The following CYP2A13 variants were observed in gnomAD, a reference collection of about 807,000 sequenced individuals.
CYP2A13 encodes the protein cytochrome P450 family 2 subfamily A member 13, also known as cytochrome P450 2A13.
CYP2A13 carries 30 observed loss-of-function variants against 39.4 expected under a neutral mutation model. The observed-to-expected ratio is 0.76, with a 90% CI of 0.57 to 1.03. The LOEUF is 1.03. Ranked by LOEUF, CYP2A13 falls within the 50% of genes least tolerant of loss-of-function variation. The probability of loss-of-function intolerance (pLI) is 0.00; values close to 1 mark genes in which losing one functional copy is unlikely to be tolerated. For synonymous variants in CYP2A13, 269 were observed against 254.7 expected, an observed-to-expected ratio of 1.06 and a Z score of -0.54; for missense variants, 731 against 648.4, an observed-to-expected ratio of 1.13 and a Z score of -1.38.
At position 41,088,939 on chromosome 19, in the gene CYP2A13, G is replaced by T; in HGVS notation, c.191G>T (p.Arg64Leu). The T allele has an allele frequency of 1.2e-6, 2 of 1,613,996 alleles. No homozygotes were observed. The highest frequency in any genetic ancestry group is 1.7e-5 in the Admixed American group (1 of 60,018). ...MYNSLMKISE[R>L]YGPVFTIHLG... The stretch of plus-strand genomic sequence containing the variant: ...ACCTGCCTCCAACAGATCAGTGAGC[G>T]CTATGGCCCTGTGTTCACCATTCAC... The change falls in exon 2 of 9, where the codon CGC becomes CTC. Residue 64 changes from arginine to leucine, a missense_variant. Transcript: ENST00000330436.
intron 1 of CYP2A13, 68 bp from the exon 2 acceptor site, chr19:41,088,861 T>C (rs1428497892): frequency 7.7e-5 from 122 of 1,593,558 alleles, no homozygotes; most frequent in Non-Finnish European, 9.9e-5. Context: ...CAGTACATGA[T>C]ATCTCAGTGC....
intron 2 of CYP2A13, among the ~76,000 whole-genome samples, chr19:41,089,389 C>T (rs1401290329): frequency 6.6e-6 from 1 of 152,060 alleles, no homozygotes; most frequent in Non-Finnish European, 1.5e-5. Flanking sequence ...TGTTTTCCAG[C>T]CCTGGTCCTC....
In CYP2A13 at chr19:41,093,718, G is replaced by T; in HGVS notation, c.920G>T (p.Ser307Ile). 1 of 1,614,124 alleles carries T rather than the reference G, an allele frequency of 6.2e-7. No homozygotes were observed. ...TTCTTTGCGGGCACTGAGACCGTGA[G>T]CACCACCCTGCGCTACGGTTTCCTG... is the stretch of plus-strand genomic sequence containing the variant. The part of the protein sequence containing the change: ...NLFFAGTETV[S>I]TTLRYGFLLL... The change falls in exon 6 of 9, where the codon AGC (serine) becomes ATC (isoleucine). Residue 307 changes from serine to isoleucine, a missense_variant. Ser to Ile is a moderately radical substitution (Grantham distance 142). Coordinates refer to ENST00000330436, the MANE Select transcript of CYP2A13 (RefSeq NM_000766.5).
At chr19:41,090,243 C>T in intron 3 of CYP2A13, 47 bp downstream of exon 3, 1 of 1,549,006 alleles carries the variant, frequency 6.5e-7, no homozygotes, top group South Asian at 1.2e-5. Flanking sequence ...GCGCTTTCTG[C>T]CTGGGGATGG....
intron 5 of CYP2A13, 76 bp downstream of exon 5, chr19:41,091,984 C>T (rs1184204968): frequency 4.5e-5 from 70 of 1,567,994 alleles, no homozygotes; most frequent in Admixed American, 1.5e-4. Context: ...GGTGGGCAGA[C>T]GACACAGGCC....
In CYP2A13 at chr19:41,095,968, G is replaced by A. The variant is rs1451537151; in HGVS notation, c.*27G>A. 5 of 1,613,410 alleles carry A rather than the reference G, an allele frequency of 3.1e-6. No individual in the cohort carries two copies. Among genetic ancestry groups the A allele is most frequent in the Non-Finnish European group, 4.2e-6 (5 of 1,179,714 alleles). On this transcript the variant is annotated 3_prime_UTR_variant, in exon 9 of 9. Coordinates refer to ENST00000330436, the MANE Select transcript of CYP2A13 (RefSeq NM_000766.5). ...CGAGGGCTGTGCTGGTGCAGGGCTG[G>A]TGGGCGGGGCCAGGGAAACGGCCGG...
Position 41,089,087 on chromosome 19 carries a change from C to G in CYP2A13, c.339C>G (p.Gly113=). 1 of 1,612,270 alleles carries G rather than the reference C, an allele frequency of 6.2e-7. No homozygotes were observed. Among genetic ancestry groups the G allele is most frequent in the Non-Finnish European group, 8.5e-7 (1 of 1,179,762 alleles). Residue 113 remains glycine (G), a synonymous_variant, in exon 2 of 9, where the codon GGC becomes GGG. Transcript: ENST00000330436. The part of the protein sequence containing the change: ...EQATFDWLFK[G]YGVAFSNGER... The stretch of plus-strand genomic sequence containing the variant: ...CCACCTTCGACTGGCTCTTCAAAGG[C>G]TATGGTGAGGGGGTGCCCAAGAGGG...
chr19:41,089,218 C>G (rs2031113187), intron 2 of CYP2A13, 127 bp downstream of exon 2: 2 of 1,494,106 alleles, frequency 1.3e-6, no homozygotes, highest in Admixed American at 2.2e-5. Context: ...TCTTCTCTCC[C>G]CATCTCCCTT....
In CYP2A13 at chr19:41,096,005, G is replaced by C; in HGVS notation, c.*64G>C. ...AGGGAAACGGCCGGGGCAGGGGCGG[G>C]GCTTGTGGGAGGGGCGGGGCTAAGA... On this transcript the variant is annotated 3_prime_UTR_variant, in exon 9 of 9. Transcript: ENST00000330436. The C allele has an allele frequency of 6.6e-7, 1 of 1,505,500 alleles. No homozygotes were observed. The highest frequency in any genetic ancestry group is 9.1e-7 in the Non-Finnish European group (1 of 1,103,190). The allele number at this position is 1,505,500 out of a possible 1,614,324, so 93.3% of individuals were successfully genotyped here. A position where few individuals can be genotyped will look rare whatever the true frequency, so the allele number is the denominator to read the frequency against.
intron 5 of CYP2A13, among the ~76,000 whole-genome samples, chr19:41,092,354 C>T (rs550791608): frequency 2.1e-3 from 307 of 144,602 alleles, no homozygotes; most frequent in Middle Eastern, 0.014. Flanking sequence ...TCCTGACAAT[C>T]CCAACTACAT....
Position 41,095,104 on chromosome 19 carries a change from A to G in CYP2A13, c.1303+4A>G, listed in dbSNP as rs2031276460. 1 of 1,614,090 alleles carries G rather than the reference A, an allele frequency of 6.2e-7. No homozygotes were observed. Among genetic ancestry groups the G allele is most frequent in the East Asian group, 2.2e-5 (1 of 44,878 alleles). ...GCTTTTGTGCCCTTTTCCATCGGTAAGAGACCACTGTTTGCTGCCAGGCCA... is the reference window on the plus strand; with the variant it reads ...GCTTTTGTGCCCTTTTCCATCGGTAGGAGACCACTGTTTGCTGCCAGGCCA... On this transcript the variant is annotated splice_donor_region_variant and intron_variant, in intron 8 of 8. Coordinates refer to ENST00000330436, the MANE Select transcript of CYP2A13 (RefSeq NM_000766.5).
intron 2 of CYP2A13, among the ~76,000 whole-genome samples, chr19:41,089,804 GTCTCTCTCTCTCTCTCTCTCTCTC>G (rs752348205): frequency 0.023 from 605 of 26,560 alleles, 31 homozygotes; most frequent in East Asian, 0.069. Flanking sequence ...TTTCTACCCG[GTCTCTCTCTCTCTCTCTCTCTCTC>G]TCTCTCTCTC....
At chr19:41,089,250 G>A (rs951389966) in intron 2 of CYP2A13, among the ~76,000 whole-genome samples, 159 bp downstream of exon 2, 8 of 151,898 alleles carry the variant, frequency 5.3e-5, no homozygotes, top group African/African-American at 9.7e-5. Context: ...CTCCCTGTGC[G>A]TCCCTCACCT....
intron 5 of CYP2A13, 133 bp downstream of exon 5, chr19:41,092,041 G>C: frequency 7.3e-7 from 1 of 1,377,648 alleles, no homozygotes; most frequent in Non-Finnish European, 9.8e-7. Context: ...TTGGCCAGGC[G>C]CGGTGGCTCA....
rs2031153683 is a variant in CYP2A13, at chr19:41,090,158, A to G, written c.455A>G (p.Glu152Gly). The G allele has an allele frequency of 6.3e-7, 1 of 1,593,884 alleles. No homozygotes were observed. Among genetic ancestry groups the G allele is most frequent in the Non-Finnish European group, 8.6e-7 (1 of 1,169,194 alleles). Residue 152 changes from glutamate (E) to glycine (G), a missense_variant, in exon 3 of 9, where the codon GAG becomes GGG. Glu to Gly is a moderately conservative substitution (Grantham distance 98). Transcript: ENST00000330436. ...GGCATCGAGGAACGCATCCAGGAGG[A>G]GGCGGGCTTCCTCATCGACGCCCTC... ...KRGIEERIQE[E>G]AGFLIDALRG...
chr19:41,096,031 A>G lies in CYP2A13; in HGVS notation c.*90A>G. 1 of 525,244 alleles carries G rather than the reference A, an allele frequency of 1.9e-6. No homozygotes were observed. The highest frequency in any genetic ancestry group is 3.4e-6 in the Non-Finnish European group (1 of 292,242). 32.5% of individuals were successfully genotyped at this position (525,244 alleles called of 1,614,324 possible). The stretch of plus-strand genomic sequence containing the variant: ...GCTTGTGGGAGGGGCGGGGCTAAGA[A>G]TGGGGGCAGTGGGGGAAGGAAGGGG... On this transcript the variant is annotated 3_prime_UTR_variant, in exon 9 of 9. Transcript: ENST00000330436.
In CYP2A13 at chr19:41,089,110, G is replaced by A. The variant is rs545017694; in HGVS notation, c.343+19G>A. 7 of 1,611,490 alleles carry A rather than the reference G, an allele frequency of 4.3e-6. No homozygotes were observed. Among genetic ancestry groups the A allele is most frequent in the African/African-American group, 1.3e-5 (1 of 74,946 alleles). Reference sequence around the variant, plus strand: ...GGCTATGGTGAGGGGGTGCCCAAGAGGGGGAAGGTGGCCAGGTGGATGCAA... The same window carrying A: ...GGCTATGGTGAGGGGGTGCCCAAGAAGGGGAAGGTGGCCAGGTGGATGCAA... On this transcript the variant is annotated intron_variant, in intron 2 of 8. Coordinates refer to ENST00000330436, the MANE Select transcript of CYP2A13 (RefSeq NM_000766.5).
intron 5 of CYP2A13, 133 bp downstream of exon 5, chr19:41,092,041 G>T: frequency 1.5e-6 from 2 of 1,377,648 alleles, no homozygotes; most frequent in South Asian, 1.5e-5. Context: ...TTGGCCAGGC[G>T]CGGTGGCTCA....
chr19:41,095,198 G>T (rs1599656603), intron 8 of CYP2A13, 98 bp downstream of exon 8: 2 of 1,609,436 alleles, frequency 1.2e-6, no homozygotes, highest in East Asian at 4.5e-5. Flanking sequence ...TATTTCTCCA[G>T]CTTGGAAGTT....
Sources: gnomAD v4.1 joint callset for allele counts (sites outside exome capture counted in the v4.1 genomes callset) on GRCh38, gnomAD v4.1.1 for gene constraint, MANE v1.5 for transcripts, NCBI Gene and HGNC (gene_info 2026-07-23, HGNC 2026-07-21) for gene names.